The following ABCB1 variants were observed in gnomAD, a reference collection of about 807,000 sequenced individuals.
The protein encoded by ABCB1 is ATP-dependent translocase ABCB1.
ABCB1 carries 69 observed loss-of-function variants against 142.0 expected under a neutral mutation model. The ratio of observed to expected loss-of-function variants is 0.49; its 90% confidence interval spans 0.40 to 0.59. The LOEUF is 0.59. Among genes scored for constraint, ABCB1 ranks in the 20% least tolerant of loss-of-function variants. The pLI is 0.00. For missense variants in ABCB1, 1,326 were observed against 1,554.7 expected (o/e 0.85, Z 2.47); for synonymous variants, 532 against 539.2 (o/e 0.99, Z 0.18).
At chr7:87,705,355 G>C (rs1334206966) in intron 1 of ABCB1, among the ~76,000 whole-genome samples, 1 of 152,174 alleles carries the variant, frequency 6.6e-6, no homozygotes, top group African/African-American at 2.4e-5. Context: ...GAACCCAGGA[G>C]GCAGAGGTTG....
intron 1 of ABCB1, among the ~76,000 whole-genome samples, chr7:87,653,157 A>G (rs1466206891): frequency 6.6e-6 from 1 of 152,130 alleles, no homozygotes; most frequent in East Asian, 1.9e-4. Flanking sequence ...CCTAGGATAT[A>G]GCTGAGAAAT....
intron 20 of ABCB1, among the ~76,000 whole-genome samples, chr7:87,533,985 G>A (rs779140554): frequency 1.1e-4 from 17 of 152,198 alleles, no homozygotes; most frequent in Non-Finnish European, 1.8e-4. Flanking sequence ...GAGGAAACAA[G>A]TGAAAAGCAG....
At chr7:87,586,993 TA>T (rs1330774718) in intron 3 of ABCB1, among the ~76,000 whole-genome samples, 4 of 152,240 alleles carry the variant, frequency 2.6e-5, no homozygotes, top group African/African-American at 9.6e-5. Flanking sequence ...GTTCATGGCA[TA>T]ACTTTCCATG....
At chr7:87,558,253 T>G (rs1366766509) in intron 8 of ABCB1, among the ~76,000 whole-genome samples, 1 of 152,196 alleles carries the variant, frequency 6.6e-6, no homozygotes, top group African/African-American at 2.4e-5. Context: ...CATAGCAAAT[T>G]TAAGATGGCA....
intron 2 of ABCB1, among the ~76,000 whole-genome samples, chr7:87,597,041 G>A (rs930014862): frequency 7.2e-5 from 11 of 152,106 alleles, no homozygotes; most frequent in African/African-American, 2.4e-4. Context: ...AATTCTATGA[G>A]GAAGACACAT....
At chr7:87,550,633 A>C in intron 10 of ABCB1, 55 bp from the exon 11 acceptor site, 1 of 1,582,684 alleles carries the variant, frequency 6.3e-7, no homozygotes, top group South Asian at 1.1e-5. Context: ...ACTTTTAGTG[A>C]TATTTTGTGG....
intron 23 of ABCB1, among the ~76,000 whole-genome samples, chr7:87,517,640 G>A (rs921004943): frequency 1.2e-4 from 19 of 152,282 alleles, no homozygotes; most frequent in African/African-American, 3.9e-4. Flanking sequence ...AATCAACAAC[G>A]GATACAGTCA....
upstream of ABCB1, among the ~76,000 whole-genome samples, chr7:87,603,682 A>G (rs1194621977): frequency 6.6e-6 from 1 of 152,200 alleles, no homozygotes; most frequent in Admixed American, 6.5e-5. Flanking sequence ...CCACATGTAA[A>G]TCATTAAACT....
chr7:87,629,218 C>G (rs1820953218), intron 1 of ABCB1: 1 of 346,958 alleles, frequency 2.9e-6, no homozygotes, highest in African/African-American at 2.1e-5. Flanking sequence ...TTTGAATGTG[C>G]AATCTAGCGT....
At chr7:87,533,018 C>A (rs917440428) in intron 20 of ABCB1, among the ~76,000 whole-genome samples, 3 of 152,086 alleles carry the variant, frequency 2.0e-5, no homozygotes, top group Non-Finnish European at 2.9e-5. Flanking sequence ...TACCATGGAG[C>A]TGCACCAGGG....
intron 1 of ABCB1, chr7:87,650,963 T>C (rs1823513061): frequency 7.6e-7 from 1 of 1,308,998 alleles, no homozygotes. Flanking sequence ...TACTATTTAT[T>C]TTCCCACCAG....
chr7:87,601,936 T>A (rs982219034), upstream of ABCB1, among the ~76,000 whole-genome samples: 1 of 152,270 alleles, frequency 6.6e-6, no homozygotes, highest in South Asian at 2.1e-4. Context: ...CAAATTTTCC[T>A]TATCTTGATA....
At chr7:87,573,186 AG>A (rs768600847) in intron 4 of ABCB1, among the ~76,000 whole-genome samples, 1 of 152,214 alleles carries the variant, frequency 6.6e-6, no homozygotes, top group Non-Finnish European at 1.5e-5. Flanking sequence ...GACAGTCAAG[AG>A]GGCACATGCA....
At position 87,595,672 on chromosome 7, in the gene ABCB1, C is replaced by A. The variant is rs373236080; in HGVS notation, c.117+94G>T. On this transcript the variant is annotated intron_variant, in intron 3 of 27. Coordinates refer to ENST00000622132, the MANE Select transcript of ABCB1 (RefSeq NM_001348946.2). The stretch of plus-strand genomic sequence containing the variant: ...TGCATCTCCATTAACATACCCTATA[C>A]GAAAATCTTACATCAGATGAAATAT... 4 of 1,071,742 alleles carry A rather than the reference C, an allele frequency of 3.7e-6. No individual in the cohort carries two copies. Among genetic ancestry groups the A allele is most frequent in the South Asian group, 1.3e-5 (1 of 76,296 alleles). The allele number at this position is 1,071,742 out of a possible 1,614,324, so 66.4% of individuals were successfully genotyped here.
At chr7:87,606,155 G>A (rs1351107212) in intron 1 of ABCB1, among the ~76,000 whole-genome samples, 1 of 151,908 alleles carries the variant, frequency 6.6e-6, no homozygotes, top group Non-Finnish European at 1.5e-5. Context: ...TAATAGAACC[G>A]AGCAAAAGAT....
At chr7:87,529,172 G>C (rs1815923411) in intron 21 of ABCB1, among the ~76,000 whole-genome samples, 1 of 152,152 alleles carries the variant, frequency 6.6e-6, no homozygotes, top group Non-Finnish European at 1.5e-5. Context: ...AGGGAGATTG[G>C]TTAGGAGGCT....
intron 1 of ABCB1, among the ~76,000 whole-genome samples, chr7:87,695,881 A>G (rs1021818137): frequency 1.3e-5 from 2 of 152,118 alleles, no homozygotes; most frequent in African/African-American, 4.8e-5. Flanking sequence ...AAGAGTATAG[A>G]AGAGTAATTT....
intron 4 of ABCB1, among the ~76,000 whole-genome samples, chr7:87,573,488 G>A (rs981196182): frequency 6.6e-6 from 1 of 152,104 alleles, no homozygotes; most frequent in Non-Finnish European, 1.5e-5. Flanking sequence ...TAATGCTCTG[G>A]TTCAAGTCCC....
At chr7:87,533,459 G>T (rs1816150176) in intron 20 of ABCB1, among the ~76,000 whole-genome samples, 1 of 152,172 alleles carries the variant, frequency 6.6e-6, no homozygotes, top group Non-Finnish European at 1.5e-5. Flanking sequence ...ATCAAAGATG[G>T]CAAATTCTTT....
Sources: allele counts gnomAD v4.1 joint callset (sites outside exome capture counted in the v4.1 genomes callset), GRCh38; gene constraint gnomAD v4.1.1; transcripts MANE v1.5; gene names NCBI Gene and HGNC (gene_info 2026-07-23, HGNC 2026-07-21).